Variants in LMO7 observed in about 807,000 individuals in gnomAD.
LMO7 encodes the protein LIM domain 7, also known as LIM domain only protein 7.
A neutral mutation model predicts 206.5 loss-of-function variants in LMO7; 120 were observed. That is an observed-to-expected ratio of 0.58 (90% CI 0.50 to 0.68). The LOEUF is 0.68. Among genes scored for constraint, LMO7 ranks in the 30% least tolerant of loss-of-function variants. The pLI, the probability that LMO7 is intolerant of heterozygous loss-of-function variation, is 0.00. For missense variants in LMO7, 1,959 were observed against 1,957.9 expected (o/e 1.00, Z -0.01); for synonymous variants, 706 against 681.5 (o/e 1.04, Z -0.56).
At chr13:75,725,926 A>G (rs188383166) in intron 2 of LMO7, among the ~76,000 whole-genome samples, 204 of 152,066 alleles carry the variant, frequency 1.3e-3, no homozygotes, top group Non-Finnish European at 2.6e-3. Flanking sequence ...ATTTCCAGCA[A>G]ACTCAAGTGT....
chr13:75,724,608 A>G (rs1234789934), intron 2 of LMO7, among the ~76,000 whole-genome samples: 2 of 152,306 alleles, frequency 1.3e-5, no homozygotes, highest in South Asian at 2.1e-4. Context: ...GATTTGACAT[A>G]AGGCTATGCC....
At chr13:75,692,992 G>C (rs2041615489) in intron 1 of LMO7, among the ~76,000 whole-genome samples, 1 of 152,232 alleles carries the variant, frequency 6.6e-6, no homozygotes, top group Non-Finnish European at 1.5e-5. Flanking sequence ...GTGAAAAGGA[G>C]TCTGCTATTT....
chr13:75,732,714 T>A (rs2045374727), intron 3 of LMO7, among the ~76,000 whole-genome samples: 2 of 152,162 alleles, frequency 1.3e-5, no homozygotes, highest in South Asian at 2.1e-4. Flanking sequence ...CTTTTTAGAG[T>A]TTCCAGTTTT....
At chr13:75,729,953 C>T (rs1273841080) in intron 3 of LMO7, among the ~76,000 whole-genome samples, 1 of 152,014 alleles carries the variant, frequency 6.6e-6, no homozygotes, top group Non-Finnish European at 1.5e-5. Context: ...TATATTGAAC[C>T]AGCCTTGCAT....
chr13:75,794,427 T>C (rs1312055017), intron 4 of LMO7, among the ~76,000 whole-genome samples: 1 of 152,328 alleles, frequency 6.6e-6, no homozygotes, highest in African/African-American at 2.4e-5. Context: ...GAAAGCTAAG[T>C]TAAAAATTAG....
chr13:75,853,828 A>T (rs1595556011), intron 28 of LMO7, among the ~76,000 whole-genome samples: 2 of 152,362 alleles, frequency 1.3e-5, no homozygotes, highest in East Asian at 3.9e-4. Flanking sequence ...GTAAAAGAAG[A>T]GCGTTACAAT....
intron 2 of LMO7, among the ~76,000 whole-genome samples, chr13:75,626,595 A>ATATTTTTTTT: frequency 1.4e-5 from 1 of 71,098 alleles, no homozygotes; most frequent in Non-Finnish European, 3.6e-5. Context: ...ATATATATAA[A>ATATTTTTTTT]TTTTTTTGAG....
rs1376159256 is a variant in LMO7 at position 75,841,122 on chromosome 13, G to A, written c.3596G>A (p.Arg1199His). The change falls in exon 23 of 31, where the codon CGT becomes CAT. Residue 1199 changes from arginine (R) to histidine (H), a missense_variant. Arg to His is a conservative substitution (Grantham distance 29). Coordinates refer to ENST00000377534, the MANE Select transcript of LMO7 (RefSeq NM_001306080.2). Reference sequence around the variant, plus strand: ...ATTTTCTTATAGGAAAAATATCAACGTGAGCAGGAGAAACTGAGGGAAGAG... The same window carrying A: ...ATTTTCTTATAGGAAAAATATCAACATGAGCAGGAGAAACTGAGGGAAGAG... ...QDRLLQEKYQ[R>H]EQEKLREEWQ... 49 of 1,609,208 alleles carry A rather than the reference G, an allele frequency of 3.0e-5. No homozygotes were observed. Among genetic ancestry groups the A allele is most frequent in the Non-Finnish European group, 3.8e-5 (45 of 1,176,316 alleles).
At chr13:75,723,392 T>G (rs2044191810) in intron 2 of LMO7, among the ~76,000 whole-genome samples, 1 of 152,176 alleles carries the variant, frequency 6.6e-6, no homozygotes, top group African/African-American at 2.4e-5. Context: ...GTTCATTCAG[T>G]GTATTGATAT....
At chr13:75,694,650 G>A (rs1160183957) in intron 1 of LMO7, among the ~76,000 whole-genome samples, 1 of 152,148 alleles carries the variant, frequency 6.6e-6, no homozygotes, top group African/African-American at 2.4e-5. Flanking sequence ...AGTCTGGGAC[G>A]TTGGGAGAAT....
At chr13:75,662,290 G>A (rs1289597503) in intron 1 of LMO7, among the ~76,000 whole-genome samples, 6 of 152,170 alleles carry the variant, frequency 3.9e-5, no homozygotes, top group Non-Finnish European at 8.8e-5. Flanking sequence ...TGGCTAGGGC[G>A]AATGTCATAT....
chr13:75,859,613 T>G lies in LMO7; in HGVS notation c.*1670T>G, dbSNP rs539681738. On this transcript the variant is annotated 3_prime_UTR_variant, in exon 31 of 31. Transcript: ENST00000377534. ...TCTGTGATACTCTATGATCATCTCT[T>G]TCTTTATATTATTTTCATAGACATG... 6.6e-6 allele frequency: 1 copy of G among 152,320 alleles called. No individual in the cohort carries two copies. The highest frequency in any genetic ancestry group is 2.4e-5 in the African/African-American group (1 of 41,570). The allele number at this position is 152,320 out of a possible 1,614,324, so 9.4% of individuals were successfully genotyped here.
intron 1 of LMO7, among the ~76,000 whole-genome samples, chr13:75,652,614 A>AGTGTGTGTGTGTGT (rs59671117): frequency 4.3e-5 from 6 of 137,946 alleles, no homozygotes; most frequent in African/African-American, 1.6e-4. Context: ...CCACAAGTTC[A>AGTGTGTGTGTGTGT]GTGTGTGTGT....
intron 20 of LMO7, among the ~76,000 whole-genome samples, chr13:75,838,786 T>C (rs931976727): frequency 1.2e-4 from 18 of 152,286 alleles, no homozygotes; most frequent in African/African-American, 4.3e-4. Flanking sequence ...TCCGTGTTGG[T>C]GTAGTTGGGC....
chr13:75,721,038 T>A lies in LMO7; in HGVS notation c.141-5991T>A, dbSNP rs1256892884. 2.0e-5 allele frequency among the ~76,000 whole-genome samples: 3 copies of A among 152,296 alleles called. No homozygotes were observed. In the East Asian group the frequency reaches 5.8e-4, roughly 29 times the overall value. On this transcript the variant is annotated intron_variant, in intron 2 of 30. Coordinates refer to ENST00000377534, the MANE Select transcript of LMO7 (RefSeq NM_001306080.2). ...AAAAGTTATTAATTTAAAATTTTAG[T>A]AAGGCATTTACTTAATTAAGATAAC...
intron 4 of LMO7, among the ~76,000 whole-genome samples, chr13:75,766,780 T>A (rs1402210473): frequency 6.6e-6 from 1 of 152,102 alleles, no homozygotes; most frequent in Non-Finnish European, 1.5e-5. Context: ...ACAGGAAGTA[T>A]GTATTATTCC....
chr13:75,856,381 T>C, intron 29 of LMO7, 125 bp from the exon 30 acceptor site: 1 of 611,140 alleles, frequency 1.6e-6, no homozygotes, highest in Non-Finnish European at 2.9e-6. Context: ...CCTTTTTTTT[T>C]CTTTGCTGAA....
chr13:75,834,298 A>G lies in LMO7; in HGVS notation c.3137A>G (p.Tyr1046Cys). Residue 1046 changes from tyrosine to cysteine, a missense_variant, in exon 17 of 31, where the codon TAT (tyrosine) becomes TGT (cysteine). Coordinates refer to ENST00000377534, the MANE Select transcript of LMO7 (RefSeq NM_001306080.2). ...GCTATTAACAACACCAAGTTTTCATATAACGATTCAAAAGAGTGGGAGGAA... is the reference window on the plus strand; with the variant it reads ...GCTATTAACAACACCAAGTTTTCATGTAACGATTCAAAAGAGTGGGAGGAA... Reference protein sequence around the residue: ...IIAINNTKFSYNDSKEWEEAM... With the variant: ...IIAINNTKFSCNDSKEWEEAM... 4 of 1,611,734 alleles carry G rather than the reference A, an allele frequency of 2.5e-6. No homozygotes were observed. Among genetic ancestry groups the G allele is most frequent in the Non-Finnish European group, 3.4e-6 (4 of 1,178,678 alleles).
chr13:75,744,216 A>G (rs2046646105), intron 3 of LMO7, among the ~76,000 whole-genome samples: 1 of 152,222 alleles, frequency 6.6e-6, no homozygotes, highest in Non-Finnish European at 1.5e-5. Flanking sequence ...AAACTTAACA[A>G]TTTGGGGTCA....
Sources: allele counts gnomAD v4.1 joint callset (sites outside exome capture counted in the v4.1 genomes callset), GRCh38; gene constraint gnomAD v4.1.1; transcripts MANE v1.5; gene names NCBI Gene and HGNC (gene_info 2026-07-23, HGNC 2026-07-21).